VTCN1: variants seen among roughly 807,000 people sequenced by gnomAD.
VTCN1 encodes the protein V-set domain containing T cell activation inhibitor 1.
In VTCN1, 26 loss-of-function variants were observed where a neutral mutation model predicts 26.5. That is an observed-to-expected ratio of 0.98 (90% CI 0.72 to 1.36). The LOEUF (loss-of-function observed/expected upper bound fraction) is 1.36, where lower values mean the gene tolerates loss of function less well. Among genes scored for constraint, VTCN1 ranks in the 40% most tolerant of loss-of-function variants. The probability of loss-of-function intolerance (pLI) is 0.00; values close to 1 mark genes in which losing one functional copy is unlikely to be tolerated. For synonymous variants in VTCN1, 116 were observed against 130.7 expected, an observed-to-expected ratio of 0.89 and a Z score of 0.77; for missense variants, 298 against 337.7, an observed-to-expected ratio of 0.88 and a Z score of 0.92.
In VTCN1 at chr1:117,156,727, T is replaced by G. The variant is rs375076011; in HGVS notation, c.292A>C (p.Arg98=). ...TCAGCAAACACTGCTGTCCGGCCTC[T>G]GAACATTTCATCCTGCTCCGACAGC... ...DELSEQDEMF[R]GRTAVFADQV... Residue 98 remains arginine (R), a synonymous_variant, in exon 3 of 6, where the codon AGA becomes CGA. Coordinates refer to ENST00000369458, the MANE Select transcript of VTCN1 (RefSeq NM_024626.4). 1 of 1,614,216 alleles carries G rather than the reference T, an allele frequency of 6.2e-7. No individual in the cohort carries two copies.
chr1:117,201,514 G>T (rs369199112), intron 1 of VTCN1, among the ~76,000 whole-genome samples: 1 of 152,178 alleles, frequency 6.6e-6, no homozygotes, highest in African/African-American at 2.4e-5. Context: ...CCCAAATGCA[G>T]CCTTGTTCCT....
intron 2 of VTCN1, among the ~76,000 whole-genome samples, chr1:117,158,281 G>T (rs1435156849): frequency 1.3e-5 from 2 of 152,192 alleles, no homozygotes; most frequent in Non-Finnish European, 2.9e-5. Context: ...CTCCATGAGA[G>T]CCCCACTCCT....
chr1:117,153,419 G>C lies in VTCN1; in HGVS notation c.446-50C>G, dbSNP rs776002726. ...GCAGATGCCAAAGTCAGACACGTAAGACAATATAGCCTTTGAAGCGCTAGG... is the reference window on the plus strand; with the variant it reads ...GCAGATGCCAAAGTCAGACACGTAACACAATATAGCCTTTGAAGCGCTAGG... On this transcript the variant is annotated intron_variant, in intron 3 of 5. Transcript: ENST00000369458. The C allele has an allele frequency of 3.9e-6, 6 of 1,544,064 alleles. No homozygotes were observed. In the Admixed American group the frequency reaches 1.2e-4, roughly 30 times the overall value.
chr1:117,170,661 A>G (rs1652861935), intron 1 of VTCN1, among the ~76,000 whole-genome samples: 1 of 152,116 alleles, frequency 6.6e-6, no homozygotes, highest in Non-Finnish European at 1.5e-5. Context: ...CACCTCATCT[A>G]CTGCACTCCG....
rs1389568830 is a variant in VTCN1 at position 117,183,754 on chromosome 1, A to T, written c.33-13583T>A. Among the ~76,000 whole-genome samples the T allele has an allele frequency of 6.6e-6, 1 of 152,258 alleles. No individual in the cohort carries two copies. Among genetic ancestry groups the T allele is most frequent in the East Asian group, 1.9e-4 (1 of 5,200 alleles). ...TGCATACTAAATAGCCTTTAAAAAAATCCTTGATAAAAATACTTGAAATGC... is the reference window on the plus strand; with the variant it reads ...TGCATACTAAATAGCCTTTAAAAAATTCCTTGATAAAAATACTTGAAATGC... On this transcript the variant is annotated intron_variant, in intron 1 of 5. Coordinates refer to ENST00000369458, the MANE Select transcript of VTCN1 (RefSeq NM_024626.4). This position sits in a 1 kb window ranked among gnomAD's most constrained non-coding sequence, Gnocchi z 4.1.
At chr1:117,186,588 G>T (rs961528837) in intron 1 of VTCN1, among the ~76,000 whole-genome samples, 2 of 152,214 alleles carry the variant, frequency 1.3e-5, no homozygotes, top group African/African-American at 4.8e-5. Flanking sequence ...TGAAGGAAAA[G>T]AAATAATTGG....
chr1:117,210,390 C>T (rs924557929), intron 1 of VTCN1, among the ~76,000 whole-genome samples: 15 of 152,296 alleles, frequency 9.8e-5, no homozygotes, highest in African/African-American at 3.4e-4. Context: ...CCTCCGTCCC[C>T]CTGGGGGCTG....
intron 1 of VTCN1, among the ~76,000 whole-genome samples, chr1:117,184,774 A>G (rs1647856423): frequency 6.6e-6 from 1 of 152,130 alleles, no homozygotes; most frequent in East Asian, 1.9e-4. Flanking sequence ...GAGGCTAAGG[A>G]CCACAGCAAG....
chr1:117,199,654 G>A (rs954606324), intron 1 of VTCN1, among the ~76,000 whole-genome samples: 7 of 92,518 alleles, frequency 7.6e-5, no homozygotes, highest in African/African-American at 2.7e-4. Flanking sequence ...TTTTTTTTTT[G>A]AGATGGAGTC....
At chr1:117,205,991 C>T (rs1037891505) in intron 1 of VTCN1, among the ~76,000 whole-genome samples, 1 of 152,170 alleles carries the variant, frequency 6.6e-6, no homozygotes, top group Middle Eastern at 3.4e-3. Context: ...TGCATCTCAC[C>T]CACCCTGAAG....
At chr1:117,151,990 G>T (rs1033516826) in intron 4 of VTCN1, among the ~76,000 whole-genome samples, 4 of 151,980 alleles carry the variant, frequency 2.6e-5, no homozygotes, top group African/African-American at 9.7e-5. Flanking sequence ...TTGCTTTTTA[G>T]CTATTTTTAT....
At chr1:117,207,418 G>C (rs776901117) in intron 1 of VTCN1, among the ~76,000 whole-genome samples, 4 of 151,938 alleles carry the variant, frequency 2.6e-5, no homozygotes, top group Non-Finnish European at 5.9e-5. Flanking sequence ...TACCTGTCTT[G>C]CCATTTATTC....
chr1:117,194,030 A>C (rs1648386940), intron 1 of VTCN1, among the ~76,000 whole-genome samples: 1 of 152,242 alleles, frequency 6.6e-6, no homozygotes, highest in Admixed American at 6.5e-5. Context: ...GAATACTTCA[A>C]ACTAGAAATC....
intron 1 of VTCN1, among the ~76,000 whole-genome samples, chr1:117,189,396 A>G (rs1297315996): frequency 6.6e-6 from 1 of 152,126 alleles, no homozygotes; most frequent in Non-Finnish European, 1.5e-5. Flanking sequence ...AGGTGCCAAG[A>G]TTTTCATGAG....
At chr1:117,149,777 A>C (rs1651699882) in intron 4 of VTCN1, among the ~76,000 whole-genome samples, 2 of 152,238 alleles carry the variant, frequency 1.3e-5, no homozygotes, top group African/African-American at 4.8e-5. Flanking sequence ...TTAGCAGTAT[A>C]GGCAGAGAAC....
chr1:117,181,019 C>T (rs1174109437), intron 1 of VTCN1, among the ~76,000 whole-genome samples: 1 of 152,222 alleles, frequency 6.6e-6, no homozygotes, highest in Non-Finnish European at 1.5e-5. Context: ...CTATACCTGC[C>T]TCCAGATTCA....
chr1:117,210,212 TCAGCAG>T (rs71582595), intron 1 of VTCN1, among the ~76,000 whole-genome samples: 2,135 of 150,228 alleles, frequency 0.014, 56 homozygotes, highest in African/African-American at 0.05. Context: ...TCTGGGGAGT[TCAGCAG>T]CAGCAGCAGC....
intron 4 of VTCN1, among the ~76,000 whole-genome samples, chr1:117,150,224 G>A (rs1226656882): frequency 6.6e-6 from 1 of 152,190 alleles, no homozygotes; most frequent in African/African-American, 2.4e-5. Context: ...TCCTTCTTGG[G>A]AATGTAGAAT....
At chr1:117,170,042 A>G in intron 2 of VTCN1, 65 bp downstream of exon 2, 1 of 1,457,424 alleles carries the variant, frequency 6.9e-7, no homozygotes, top group Non-Finnish European at 9.6e-7. Context: ...ATGCTAACGC[A>G]CTGAGTGATT....
Sources: allele counts gnomAD v4.1 joint callset (sites outside exome capture counted in the v4.1 genomes callset), GRCh38; gene constraint gnomAD v4.1.1; non-coding constraint Gnocchi (gnomAD v3.1); transcripts MANE v1.5; gene names NCBI Gene and HGNC (gene_info 2026-07-23, HGNC 2026-07-21).